The following CTTNBP2 variants were observed in gnomAD, a reference collection of about 807,000 sequenced individuals.
CTTNBP2 encodes the protein cortactin-binding protein 2.
CTTNBP2 carries 108 observed loss-of-function variants against 156.9 expected under a neutral mutation model. The observed-to-expected ratio is 0.69, with a 90% CI of 0.59 to 0.81. CTTNBP2 has a LOEUF of 0.81. CTTNBP2 is among the 30% of genes least tolerant of loss of function. CTTNBP2 has a pLI of 0.00. For missense variants in CTTNBP2, 1,924 were observed against 2,035.4 expected (o/e 0.95, Z 1.05); for synonymous variants, 767 against 751.8 (o/e 1.02, Z -0.33).
At chr7:117,843,999 G>C (rs1802425823) in intron 2 of CTTNBP2, among the ~76,000 whole-genome samples, 1 of 152,104 alleles carries the variant, frequency 6.6e-6, no homozygotes, top group South Asian at 2.1e-4. Flanking sequence ...ATAAGAGGGA[G>C]TCAGGAACCT....
chr7:117,804,365 A>T (rs1409412142), intron 3 of CTTNBP2, among the ~76,000 whole-genome samples: 1 of 152,148 alleles, frequency 6.6e-6, no homozygotes, highest in African/African-American at 2.4e-5. Context: ...ACGCCTTTTG[A>T]ATCTTATGTA....
chr7:117,747,637 G>A (rs1326799708), intron 12 of CTTNBP2, among the ~76,000 whole-genome samples: 1 of 152,186 alleles, frequency 6.6e-6, no homozygotes, highest in African/African-American at 2.4e-5. Flanking sequence ...GCCAGGTGTG[G>A]TGGTGGGTGC....
intron 2 of CTTNBP2, among the ~76,000 whole-genome samples, chr7:117,849,769 T>A (rs1433691283): frequency 6.6e-6 from 1 of 152,196 alleles, no homozygotes; most frequent in African/African-American, 2.4e-5. Context: ...TAATTCATCT[T>A]CATTAGAACT....
chr7:117,797,899 A>G (rs1799411628), intron 3 of CTTNBP2, among the ~76,000 whole-genome samples: 1 of 152,136 alleles, frequency 6.6e-6, no homozygotes, highest in Non-Finnish European at 1.5e-5. Flanking sequence ...TGGAAGAAAA[A>G]ATGGCCCCAA....
chr7:117,797,667 T>C (rs1283063701), intron 3 of CTTNBP2, among the ~76,000 whole-genome samples: 1 of 152,098 alleles, frequency 6.6e-6, no homozygotes, highest in Non-Finnish European at 1.5e-5. Context: ...GACAAAAAGT[T>C]CACTGAATGG....
In CTTNBP2 at chr7:117,780,039, C is replaced by T. The variant is rs148888064; in HGVS notation, c.2523+402G>A. ...CCTCCCAAAGTGCTGGGATTACATG[C>T]GTGAGCCACCACGCCCAGCCACATC... On this transcript the variant is annotated intron_variant, in intron 7 of 22. Coordinates refer to ENST00000160373, the MANE Select transcript of CTTNBP2 (RefSeq NM_033427.3). Among the ~76,000 whole-genome samples, 506 of 152,258 alleles carry T rather than the reference C, an allele frequency of 3.3e-3. 2 individuals carry two copies. Among genetic ancestry groups the T allele is most frequent in the Non-Finnish European group, 4.8e-3 (327 of 68,024 alleles).
chr7:117,749,335 T>C (rs550921732), intron 12 of CTTNBP2, among the ~76,000 whole-genome samples: 1 of 152,278 alleles, frequency 6.6e-6, no homozygotes, highest in Non-Finnish European at 1.5e-5. Flanking sequence ...GGTCAGTGGG[T>C]GGATGAAAAC....
chr7:117,860,584 C>A (rs1803660265), intron 2 of CTTNBP2, among the ~76,000 whole-genome samples: 1 of 152,082 alleles, frequency 6.6e-6, no homozygotes, highest in Admixed American at 6.6e-5. Flanking sequence ...ACCTCATGAT[C>A]CGCCCACCTC....
intron 8 of CTTNBP2, among the ~76,000 whole-genome samples, chr7:117,767,556 C>A (rs28491601): frequency 0.088 from 13,466 of 152,160 alleles, 854 homozygotes; most frequent in African/African-American, 0.17. Flanking sequence ...TTTGCTATAA[C>A]GGGATGTACT....
intron 16 of CTTNBP2, 78 bp downstream of exon 16, chr7:117,734,835 G>T: frequency 2.6e-6 from 3 of 1,150,154 alleles, no homozygotes; most frequent in Non-Finnish European, 3.7e-6. Flanking sequence ...GTTAGTGAGT[G>T]GTGGAACTCA....
intron 2 of CTTNBP2, among the ~76,000 whole-genome samples, chr7:117,850,086 G>A (rs1277448112): frequency 6.6e-6 from 1 of 152,186 alleles, no homozygotes; most frequent in African/African-American, 2.4e-5. Flanking sequence ...GCAAACAAAG[G>A]CAGGTATTAC....
intron 12 of CTTNBP2, among the ~76,000 whole-genome samples, chr7:117,755,846 G>A (rs1377811525): frequency 6.6e-6 from 1 of 152,212 alleles, no homozygotes; most frequent in East Asian, 1.9e-4. Flanking sequence ...GGTGTCTTAA[G>A]TTCTGTTGAA....
At chr7:117,809,682 C>T (rs779622878) in intron 3 of CTTNBP2, among the ~76,000 whole-genome samples, 2 of 151,994 alleles carry the variant, frequency 1.3e-5, no homozygotes, top group Non-Finnish European at 2.9e-5. Context: ...TTATGCAGCA[C>T]CTACACCAGA....
chr7:117,873,376 G>A lies in CTTNBP2; in HGVS notation c.40C>T (p.Arg14Trp), dbSNP rs1374965026. ...GCCCCCGCCGCGTCCTCCGGGGCCC[G>A]GGACAAGTCGGGCTCGCAGCTCGCG... The part of the protein sequence containing the change: ...DGASCEPDLS[R>W]APEDAAGAAA... The change falls in exon 1 of 23, where the codon CGG (arginine) becomes TGG (tryptophan). Residue 14 changes from arginine (R) to tryptophan (W), a missense_variant. Transcript: ENST00000160373. 2 of 1,484,216 alleles carry A rather than the reference G, an allele frequency of 1.3e-6. No homozygotes were observed. Among genetic ancestry groups the A allele is most frequent in the Non-Finnish European group, 1.8e-6 (2 of 1,123,850 alleles). 91.9% of individuals were successfully genotyped at this position (1,484,216 alleles called of 1,614,324 possible).
At chr7:117,794,875 A>AGCTTTT (rs1563015542) in intron 3 of CTTNBP2, among the ~76,000 whole-genome samples, 4 of 124,108 alleles carry the variant, frequency 3.2e-5, no homozygotes, top group African/African-American at 1.4e-4. Flanking sequence ...TTATATGTAT[A>AGCTTTT]TCTTTTTTTT....
At chr7:117,773,499 G>A (rs1584979374) in intron 8 of CTTNBP2, among the ~76,000 whole-genome samples, 1 of 152,286 alleles carries the variant, frequency 6.6e-6, no homozygotes, top group Non-Finnish European at 1.5e-5. Context: ...GGAGATGAAT[G>A]TCTGGAGGAC....
Position 117,711,355 on chromosome 7 carries a change from A to G in CTTNBP2, c.*182T>C. The G allele has an allele frequency of 3.1e-6, 2 of 636,008 alleles. No homozygotes were observed. The allele number at this position is 636,008 out of a possible 1,614,324, so 39.4% of individuals were successfully genotyped here. A position where few individuals can be genotyped will look rare whatever the true frequency, so the allele number is the denominator to read the frequency against. On this transcript the variant is annotated 3_prime_UTR_variant, in exon 23 of 23. Transcript: ENST00000160373. ...AAGTTCAATCCTACAGAATTAAAAA[A>G]AAAAGCAACAAAATGTTGGTTATAA...
At chr7:117,720,989 T>C (rs764189212) in intron 20 of CTTNBP2, 78 bp downstream of exon 20, 2 of 927,636 alleles carry the variant, frequency 2.2e-6, no homozygotes, top group Non-Finnish European at 3.6e-6. Flanking sequence ...AATGAGAACA[T>C]GGAACATTTA....
chr7:117,792,924 G>A lies in CTTNBP2; in HGVS notation c.415-143C>T. On this transcript the variant is annotated intron_variant, in intron 3 of 22. Transcript: ENST00000160373. This position sits in a 1 kb window ranked among gnomAD's most constrained non-coding sequence, Gnocchi z 4.2. ...AAACGCCACATTTTCAAAAAGTGTTGTGATAAGAAATATTTTAAAGACACA... is the reference window on the plus strand; with the variant it reads ...AAACGCCACATTTTCAAAAAGTGTTATGATAAGAAATATTTTAAAGACACA... 1 of 537,456 alleles carries A rather than the reference G, an allele frequency of 1.9e-6. No homozygotes were observed. Among genetic ancestry groups the A allele is most frequent in the South Asian group, 4.6e-5 (1 of 21,616 alleles). The allele number at this position is 537,456 out of a possible 1,614,324, so 33.3% of individuals were successfully genotyped here.
Sources: gnomAD v4.1 joint callset for allele counts (sites outside exome capture counted in the v4.1 genomes callset) on GRCh38, gnomAD v4.1.1 for gene constraint, Gnocchi (gnomAD v3.1) non-coding constraint, MANE v1.5 for transcripts, NCBI Gene and HGNC (gene_info 2026-07-23, HGNC 2026-07-21) for gene names.